SNX20: variants seen among roughly 807,000 people sequenced by gnomAD.
SNX20 encodes sorting nexin 20, also known as sorting nexin-20.
In SNX20, 21 loss-of-function variants were observed where a neutral mutation model predicts 24.5. That is an observed-to-expected ratio of 0.86 (90% CI 0.61 to 1.23). The LOEUF (loss-of-function observed/expected upper bound fraction) is 1.23, where lower values mean the gene tolerates loss of function less well. Among genes scored for constraint, SNX20 ranks in the 50% most tolerant of loss-of-function variants. The pLI is 0.00. For missense variants in SNX20, 433 were observed against 430.8 expected, an observed-to-expected ratio of 1.00 and a Z score of -0.04; for synonymous variants, 206 against 192.8, an observed-to-expected ratio of 1.07 and a Z score of -0.57.
chr16:50,672,678 G>A lies in SNX20; in HGVS notation c.*728C>T, dbSNP rs1377623700. On this transcript the variant is annotated 3_prime_UTR_variant, in exon 4 of 4. Coordinates refer to ENST00000330943, the MANE Select transcript of SNX20 (RefSeq NM_182854.4). ...TTTTAAAGCAATTCCAAGGTGGAAG[G>A]AACAGAGAGAAAAGCCTTGGAGCAG... The A allele has an allele frequency of 6.6e-6, 1 of 152,222 alleles. No individual in the cohort carries two copies. Among genetic ancestry groups the A allele is most frequent in the African/African-American group, 2.4e-5 (1 of 41,432 alleles). The allele number at this position is 152,222 out of a possible 1,614,324, so 9.4% of individuals were successfully genotyped here.
At chr16:50,675,384 C>A (rs1194694033) in intron 3 of SNX20, among the ~76,000 whole-genome samples, 2 of 152,118 alleles carry the variant, frequency 1.3e-5, no homozygotes, top group Non-Finnish European at 2.9e-5. Flanking sequence ...TAAGGTATTT[C>A]TCTTTGAAAT....
rs569140800 is a variant in SNX20, at chr16:50,674,421, A to AT, written c.283-348dup. Among the ~76,000 whole-genome samples, 159 of 151,404 alleles carry AT rather than the reference A, an allele frequency of 1.1e-3. 3 individuals carry two copies. Among genetic ancestry groups the AT allele is most frequent in the African/African-American group, 3.6e-3 (147 of 41,248 alleles). On this transcript the variant is annotated intron_variant, in intron 3 of 3. Coordinates refer to ENST00000330943, the MANE Select transcript of SNX20 (RefSeq NM_182854.4). ...CACCCACTACCTGGCAGATTTTTTG[A>AT]TTTTTTTTAAAAGATGGGGTCTGGC...
downstream of SNX20, chr16:50,668,438 C>T (rs151254333): frequency 1.5e-5 from 12 of 782,744 alleles, no homozygotes; most frequent in East Asian, 3.4e-4. Context: ...TAACAGTGAT[C>T]GGTTTCATTG....
At chr16:50,676,961 C>T (rs1232089051) in intron 2 of SNX20, among the ~76,000 whole-genome samples, 1 of 152,272 alleles carries the variant, frequency 6.6e-6, no homozygotes, top group Non-Finnish European at 1.5e-5. Context: ...GAACATGCCA[C>T]TGGCTTCCCT....
rs1159390013 is a variant in SNX20, at chr16:50,671,739, T to A, written c.*1667A>T. 6.6e-6 allele frequency: 1 copy of A among 152,250 alleles called. No individual in the cohort carries two copies. Among genetic ancestry groups the A allele is most frequent in the African/African-American group, 2.4e-5 (1 of 41,468 alleles). 9.4% of individuals were successfully genotyped at this position (152,250 alleles called of 1,614,324 possible). ...CAATATCTCTCACTTGAAGTGTCTT[T>A]TCCCTGGAGTAGATTGGGAGATTTG... is the stretch of plus-strand genomic sequence containing the variant. On this transcript the variant is annotated 3_prime_UTR_variant, in exon 4 of 4. Coordinates refer to ENST00000330943, the MANE Select transcript of SNX20 (RefSeq NM_182854.4).
Position 50,672,297 on chromosome 16 carries a change from A to T in SNX20, c.*1109T>A, listed in dbSNP as rs1963067021. On this transcript the variant is annotated 3_prime_UTR_variant, in exon 4 of 4. Coordinates refer to ENST00000330943, the MANE Select transcript of SNX20 (RefSeq NM_182854.4). ...CCTCCTCCCCAGGCTGTTTCTACAT[A>T]ACCCAGGGAAGCCATTCAGGGAACA... The T allele has an allele frequency of 6.6e-6, 1 of 152,262 alleles. No homozygotes were observed. Among genetic ancestry groups the T allele is most frequent in the East Asian group, 1.9e-4 (1 of 5,198 alleles). 9.4% of individuals were successfully genotyped at this position (152,262 alleles called of 1,614,324 possible).
chr16:50,673,311 AG>A lies in SNX20; in HGVS notation c.*94del. On this transcript the variant is annotated 3_prime_UTR_variant, in exon 4 of 4. Coordinates refer to ENST00000330943, the MANE Select transcript of SNX20 (RefSeq NM_182854.4). The surrounding 1 kb of genome is among the most constrained non-coding windows in gnomAD (Gnocchi z 4.1). ...GCAAGACTGTCTCAAATAACAAAAAAGAAAAGGAAAAATAAAAAAAAAGAAC... is the reference window on the plus strand; with the variant it reads ...GCAAGACTGTCTCAAATAACAAAAAAAAAAGGAAAAATAAAAAAAAAGAAC... 7.1e-7 allele frequency: 1 copy of A among 1,399,158 alleles called. No individual in the cohort carries two copies. The highest frequency in any genetic ancestry group is 9.3e-7 in the Non-Finnish European group (1 of 1,075,196). 86.7% of individuals were successfully genotyped at this position (1,399,158 alleles called of 1,614,324 possible). A position where few individuals can be genotyped will look rare whatever the true frequency, so the allele number is the denominator to read the frequency against.
chr16:50,678,916 G>A (rs1020235116), intron 1 of SNX20, among the ~76,000 whole-genome samples: 2 of 152,170 alleles, frequency 1.3e-5, no homozygotes, highest in African/African-American at 2.4e-5. Context: ...TAGTACCCCC[G>A]CTTTTAGTGT....
chr16:50,675,902 G>A lies in SNX20; in HGVS notation c.150C>T (p.Ser50=). The change falls in exon 3 of 4, where the codon AGC becomes AGT. Residue 50 remains serine, a synonymous_variant. Transcript: ENST00000330943. ...DGHLDTHSGL[S]SNSSMTTREL... is the part of the protein sequence containing the mutation. ...CCCGCGTGGTCATGCTGGAGTTGGA[G>A]CTCAGGCCACTGTGTGTGTCTGGAA... 1 of 1,609,662 alleles carries A rather than the reference G, an allele frequency of 6.2e-7. No homozygotes were observed. The highest frequency in any genetic ancestry group is 8.5e-7 in the Non-Finnish European group (1 of 1,178,686).
rs1260839979 is a variant in SNX20, at chr16:50,673,545, T to A, written c.812A>T (p.Asp271Val). The A allele has an allele frequency of 1.9e-5, 30 of 1,608,746 alleles. No homozygotes were observed. Among genetic ancestry groups the A allele is most frequent in the Non-Finnish European group, 2.4e-5 (28 of 1,179,090 alleles). Residue 271 changes from aspartate (D) to valine (V), a missense_variant, in exon 4 of 4, where the codon GAC (aspartate) becomes GTC (valine). Coordinates refer to ENST00000330943, the MANE Select transcript of SNX20 (RefSeq NM_182854.4). This position sits in a 1 kb window ranked among gnomAD's most constrained non-coding sequence, Gnocchi z 4.1. ...EGHRYYAPLLDAMVRLAYALG... is the reference protein window; with the variant it reads ...EGHRYYAPLLVAMVRLAYALG... ...CGCGTAGGCCAGGCGGACCATGGCG[T>A]CCAGCAGAGGCGCATAGTAGCGATG...
chr16:50,680,699 C>T (rs918097984), intron 1 of SNX20, among the ~76,000 whole-genome samples: 4 of 152,176 alleles, frequency 2.6e-5, no homozygotes, highest in Admixed American at 2.6e-4. Flanking sequence ...TACCCTCCAA[C>T]AACTGGACGC....
Position 50,674,002 on chromosome 16 carries a change from C to T in SNX20, c.355G>A (p.Asp119Asn). 6.2e-7 allele frequency: 1 copy of T among 1,612,162 alleles called. No homozygotes were observed. The highest frequency in any genetic ancestry group is 8.5e-7 in the Non-Finnish European group (1 of 1,179,282). The change falls in exon 4 of 4, where the codon GAC becomes AAC. Residue 119 changes from aspartate to asparagine, a missense_variant. Asp to Asn is a conservative substitution (Grantham distance 23). Transcript: ENST00000330943. The stretch of plus-strand genomic sequence containing the variant: ...AGCGCTTTCTGGAGCTTCGCGAAGT[C>T]GGAATAGCGCCGTTCCAGGACGGCC... ...NKAVLERRYS[D>N]FAKLQKALLK...
intron 1 of SNX20, 75 bp from the exon 2 acceptor site, chr16:50,677,610 C>T: frequency 7.3e-7 from 1 of 1,362,734 alleles, no homozygotes; most frequent in Non-Finnish European, 9.6e-7. Context: ...TGCCTAGGAG[C>T]TGTGTCATGC....
downstream of SNX20, chr16:50,668,281 C>T: frequency 8.6e-6 from 12 of 1,403,314 alleles, no homozygotes; most frequent in Non-Finnish European, 1.0e-5. Flanking sequence ...TCCAGTCCTT[C>T]TGAGTAAATC....
intron 3 of SNX20, among the ~76,000 whole-genome samples, chr16:50,674,415 T>C (rs1963139248): frequency 6.6e-6 from 1 of 151,678 alleles, no homozygotes; most frequent in South Asian, 2.1e-4. Context: ...CCTGGCAGAT[T>C]TTTTGATTTT....
In SNX20 at chr16:50,673,471, G is replaced by C. The variant is rs1036310310; in HGVS notation, c.886C>G (p.Leu296Val). 2 of 1,604,046 alleles carry C rather than the reference G, an allele frequency of 1.2e-6. No homozygotes were observed. Among genetic ancestry groups the C allele is most frequent in the Non-Finnish European group, 8.5e-7 (1 of 1,176,214 alleles). The change falls in exon 4 of 4, where the codon CTC (leucine) becomes GTC (valine). Residue 296 changes from leucine (L) to valine (V), a missense_variant. Coordinates refer to ENST00000330943, the MANE Select transcript of SNX20 (RefSeq NM_182854.4). The surrounding 1 kb of genome is among the most constrained non-coding windows in gnomAD (Gnocchi z 4.1). ...ATGCCTCGGGGCGTGGGCCTCCGGA[G>C]CTGGCTCTCCTCCAGCCTCTCCTGC... ...TLQERLEESQLRRPTPRGITL... is the reference protein window; with the variant it reads ...TLQERLEESQVRRPTPRGITL...
chr16:50,668,379 C>T (rs1186614288), downstream of SNX20: 11 of 998,718 alleles, frequency 1.1e-5, no homozygotes, highest in South Asian at 2.0e-4. Context: ...AGTCTACCAG[C>T]GGCCTCAGGC....
rs1963104512 is a variant in SNX20, at chr16:50,673,561, A to G, written c.796T>C (p.Tyr266His). Residue 266 changes from tyrosine to histidine, a missense_variant, in exon 4 of 4, where the codon TAT (tyrosine) becomes CAT (histidine). Tyr to His is a moderately conservative substitution (Grantham distance 83). Transcript: ENST00000330943. The surrounding 1 kb of genome is among the most constrained non-coding windows in gnomAD (Gnocchi z 4.1). ...ACCATGGCGTCCAGCAGAGGCGCAT[A>G]GTAGCGATGGCCCTCCCGGGCCTGC... ...RLQAREGHRY[Y>H]APLLDAMVRL... The G allele has an allele frequency of 6.2e-7, 1 of 1,604,266 alleles. No individual in the cohort carries two copies. Among genetic ancestry groups the G allele is most frequent in the African/African-American group, 1.4e-5 (1 of 74,040 alleles).
chr16:50,677,303 G>A (rs1963202564), intron 2 of SNX20, 94 bp downstream of exon 2: 12 of 1,410,512 alleles, frequency 8.5e-6, no homozygotes, highest in Non-Finnish European at 1.0e-5. Flanking sequence ...AGAGCTGCCC[G>A]GGCCTCTTGC....
Sources: allele counts gnomAD v4.1 joint callset (sites outside exome capture counted in the v4.1 genomes callset), GRCh38; gene constraint gnomAD v4.1.1; non-coding constraint Gnocchi (gnomAD v3.1); transcripts MANE v1.5; gene names NCBI Gene and HGNC (gene_info 2026-07-23, HGNC 2026-07-21).